Variants in PRDM2 observed in about 807,000 individuals in gnomAD.
The protein encoded by PRDM2 is PR domain zinc finger protein 2.
Under a neutral mutation model 130.0 loss-of-function variants are expected in PRDM2, and 30 were observed. That is an observed-to-expected ratio of 0.23 (90% CI 0.17 to 0.31). PRDM2 has a LOEUF of 0.31. Ranked by LOEUF, PRDM2 falls within the 10% of genes least tolerant of loss-of-function variation. The pLI, the probability that PRDM2 is intolerant of heterozygous loss-of-function variation, is 1.00. For missense variants in PRDM2, 2,011 were observed against 2,108.4 expected, an observed-to-expected ratio of 0.95 and a Z score of 0.90; for synonymous variants, 871 against 782.4, an observed-to-expected ratio of 1.11 and a Z score of -1.89.
intron 8 of PRDM2, among the ~76,000 whole-genome samples, chr1:13,808,116 C>T (rs1188878039): frequency 6.6e-6 from 1 of 152,170 alleles, no homozygotes; most frequent in Admixed American, 6.5e-5. Flanking sequence ...TCCTCCCAAC[C>T]CTGCTACTAT....
chr1:13,737,235 G>A (rs1183968672), intron 4 of PRDM2, among the ~76,000 whole-genome samples: 1 of 152,156 alleles, frequency 6.6e-6, no homozygotes, highest in Non-Finnish European at 1.5e-5. Context: ...TTACAGCGCT[G>A]GAGCTAAGAA....
At position 13,803,792 on chromosome 1, in the gene PRDM2, T is replaced by C. The variant is rs907511942; in HGVS notation, c.5037-12635T>C. Among the ~76,000 whole-genome samples, 4 of 152,168 alleles carry C rather than the reference T, an allele frequency of 2.6e-5. No homozygotes were observed. The highest frequency in any genetic ancestry group is 5.9e-5 in the Non-Finnish European group (4 of 68,024). ...AACTGGGTCATGTGTTACGAGCTTCTCACATGCTGGGTATTTAGAGTTCAA... is the reference window on the plus strand; with the variant it reads ...AACTGGGTCATGTGTTACGAGCTTCCCACATGCTGGGTATTTAGAGTTCAA... On this transcript the variant is annotated intron_variant, in intron 8 of 9. Coordinates refer to ENST00000311066, the MANE Select transcript of PRDM2 (RefSeq NM_001393986.1). The surrounding 1 kb of genome is among the most constrained non-coding windows in gnomAD (Gnocchi z 6.2).
intron 7 of PRDM2, among the ~76,000 whole-genome samples, chr1:13,777,572 A>C (rs1644503244): frequency 7.4e-6 from 1 of 135,906 alleles, no homozygotes; most frequent in Admixed American, 7.9e-5. Flanking sequence ...TGCATCTAGT[A>C]TGTTCTTGAC....
intron 8 of PRDM2, among the ~76,000 whole-genome samples, chr1:13,784,657 T>C (rs1437938403): frequency 6.6e-6 from 1 of 152,254 alleles, no homozygotes; most frequent in Non-Finnish European, 1.5e-5. Flanking sequence ...ATCATGTCTC[T>C]TCTTTGCCCC....
At chr1:13,730,967 T>A (rs756200518) in intron 2 of PRDM2, 33 bp from the exon 3 acceptor site, 1 of 1,453,252 alleles carries the variant, frequency 6.9e-7, no homozygotes, top group Non-Finnish European at 9.3e-7. Flanking sequence ...TTTTCTTTCT[T>A]TTGCTGTGAT....
chr1:13,822,583 G>C lies in PRDM2; in HGVS notation c.*24-576G>C, dbSNP rs149679472. Among the ~76,000 whole-genome samples the C allele has an allele frequency of 5.9e-3, 896 of 152,070 alleles. 2 individuals are homozygous for C. The highest frequency in any genetic ancestry group is 0.017 in the South Asian group (81 of 4,810). On this transcript the variant is annotated intron_variant, in intron 9 of 9. Coordinates refer to ENST00000311066, the MANE Select transcript of PRDM2 (RefSeq NM_001393986.1). ...GCTAATTTTTTGTATTTTTAGTAGA[G>C]ACAGGGTTTCACCGTAGCCAGGATG...
rs184067398 is a variant in PRDM2, at chr1:13,758,189, A to T, written c.511+8702A>T. On this transcript the variant is annotated intron_variant, in intron 6 of 9. Coordinates refer to ENST00000311066, the MANE Select transcript of PRDM2 (RefSeq NM_001393986.1). ...CCAGGCGCGGTGGCTCACACCTGTA[A>T]TCCCAGCACTTTGAGAGGCAGAGGT... Among the ~76,000 whole-genome samples, 50 of 152,162 alleles carry T rather than the reference A, an allele frequency of 3.3e-4. No individual in the cohort carries two copies. The East Asian group carries it at 9.1e-3, about 28-fold the overall frequency.
At chr1:13,762,097 C>T (rs1644111392) in intron 6 of PRDM2, among the ~76,000 whole-genome samples, 2 of 152,214 alleles carry the variant, frequency 1.3e-5, no homozygotes, top group Non-Finnish European at 2.9e-5. Context: ...ATACTCCTTA[C>T]AATCGATTCC....
At chr1:13,723,305 C>A (rs192066258) in intron 2 of PRDM2, among the ~76,000 whole-genome samples, 1 of 152,188 alleles carries the variant, frequency 6.6e-6, no homozygotes, top group East Asian at 1.9e-4. Flanking sequence ...ACGTTGAACA[C>A]CCCTAGTCTG....
intron 9 of PRDM2, 141 bp downstream of exon 9, chr1:13,816,711 TC>T: frequency 8.6e-7 from 1 of 1,157,644 alleles, no homozygotes; most frequent in East Asian, 2.6e-5. Flanking sequence ...AGGGCCTCCC[TC>T]CAGGAGGGCA....
chr1:13,788,071 T>C (rs1418704693), intron 8 of PRDM2: 1 of 976,564 alleles, frequency 1.0e-6, no homozygotes, highest in Non-Finnish European at 1.2e-6. Flanking sequence ...ATAAAAAACT[T>C]TCTAAACATC....
chr1:13,819,480 T>A (rs1176198363), intron 9 of PRDM2, among the ~76,000 whole-genome samples: 1 of 152,228 alleles, frequency 6.6e-6, no homozygotes, highest in Non-Finnish European at 1.5e-5. Context: ...AACTTGCTCC[T>A]TAAAATCTTC....
At chr1:13,796,851 G>A (rs1644930425) in intron 8 of PRDM2, among the ~76,000 whole-genome samples, 1 of 152,228 alleles carries the variant, frequency 6.6e-6, no homozygotes, top group South Asian at 2.1e-4. Context: ...AGAGTATTAA[G>A]TATAACACAC....
chr1:13,750,459 G>A (rs1643791521), intron 6 of PRDM2, among the ~76,000 whole-genome samples: 1 of 151,764 alleles, frequency 6.6e-6, no homozygotes, highest in Non-Finnish European at 1.5e-5. Context: ...GAACGAACGA[G>A]TCCATCCTTT....
At chr1:13,818,478 A>G (rs890726372) in intron 9 of PRDM2, among the ~76,000 whole-genome samples, 4 of 149,696 alleles carry the variant, frequency 2.7e-5, no homozygotes, top group Non-Finnish European at 5.9e-5. Flanking sequence ...TCCCAGGTTC[A>G]AGCGATTCCC....
chr1:13,701,521 T>A (rs1193094493), intron 1 of PRDM2, among the ~76,000 whole-genome samples: 1 of 152,182 alleles, frequency 6.6e-6, no homozygotes, highest in Non-Finnish European at 1.5e-5. Flanking sequence ...AGACACACTG[T>A]CATACGTTCT....
At chr1:13,742,710 T>G (rs1013102727) in intron 5 of PRDM2, among the ~76,000 whole-genome samples, 1 of 152,246 alleles carries the variant, frequency 6.6e-6, no homozygotes, top group African/African-American at 2.4e-5. Context: ...GAGTTAAGCA[T>G]GTGGCAGCTG....
Position 13,771,305 on chromosome 1 carries a change from G to A in PRDM2, c.512-1773G>A, listed in dbSNP as rs1037733323. Among the ~76,000 whole-genome samples, 5 of 152,198 alleles carry A rather than the reference G, an allele frequency of 3.3e-5. No individual in the cohort carries two copies. Among genetic ancestry groups the A allele is most frequent in the African/African-American group, 9.6e-5 (4 of 41,452 alleles). On this transcript the variant is annotated intron_variant, in intron 6 of 9. Transcript: ENST00000311066. This position sits in a 1 kb window ranked among gnomAD's most constrained non-coding sequence, Gnocchi z 4.1. Reference sequence around the variant, plus strand: ...ATCACCAGAGTGTGGTCCCGGTGAAGTGTGTGCTCGTTTTTTGAGTTCCAT... The same window carrying A: ...ATCACCAGAGTGTGGTCCCGGTGAAATGTGTGCTCGTTTTTTGAGTTCCAT...
At chr1:13,770,352 T>C (rs1392620528) in intron 6 of PRDM2, 1 of 490,240 alleles carries the variant, frequency 2.0e-6, no homozygotes, top group Non-Finnish European at 4.1e-6. Flanking sequence ...GTGATTTCAT[T>C]TTGAGTGCAT....
Sources: allele counts gnomAD v4.1 joint callset (sites outside exome capture counted in the v4.1 genomes callset), GRCh38; gene constraint gnomAD v4.1.1; non-coding constraint Gnocchi (gnomAD v3.1); transcripts MANE v1.5; gene names NCBI Gene and HGNC (gene_info 2026-07-23, HGNC 2026-07-21).